ZNF451: variants seen among roughly 807,000 people sequenced by gnomAD.
ZNF451 encodes the protein zinc finger protein 451, also known as E3 SUMO-protein ligase ZNF451.
Under a neutral mutation model 107.1 loss-of-function variants are expected in ZNF451, and 80 were observed. The observed-to-expected ratio is 0.75, with a 90% CI of 0.62 to 0.90. The LOEUF is 0.90. ZNF451 is among the 40% of genes least tolerant of loss of function. The pLI, the probability that ZNF451 is intolerant of heterozygous loss-of-function variation, is 0.00. For synonymous variants in ZNF451, 362 were observed against 406.5 expected (o/e 0.89, Z 1.32); for missense variants, 1,107 against 1,236.2 (o/e 0.90, Z 1.57).
chr6:57,147,183 T>G lies in ZNF451; in HGVS notation c.1098T>G (p.Asp366Glu). Residue 366 changes from aspartate to glutamate, a missense_variant, in exon 10 of 15, where the codon GAT becomes GAG. This residue lies in a region of ZNF451 where 608 missense variants were observed against 649.2 expected (regional missense o/e 0.94). Coordinates refer to ENST00000370706, the MANE Select transcript of ZNF451 (RefSeq NM_001031623.3). ...EKFILRGYCPDCNQVFVDETS... is the reference protein window; with the variant it reads ...EKFILRGYCPECNQVFVDETS... ...TCATATTAAGAGGTTATTGTCCAGA[T>G]TGCAATCAAGTCTTTGTGGATGAAA... 6.2e-7 allele frequency: 1 copy of G among 1,614,076 alleles called. No individual in the cohort carries two copies. Among genetic ancestry groups the G allele is most frequent in the South Asian group, 1.1e-5 (1 of 91,076 alleles).
At chr6:57,102,068 C>G in intron 3 of ZNF451, 1 of 1,523,974 alleles carries the variant, frequency 6.6e-7, no homozygotes, top group Admixed American at 2.3e-5. Flanking sequence ...AAGGGAGACT[C>G]TCCAGAACGC....
At chr6:57,157,267 G>C (rs1051360749) in intron 13 of ZNF451, among the ~76,000 whole-genome samples, 1 of 152,126 alleles carries the variant, frequency 6.6e-6, no homozygotes. Flanking sequence ...AGGATCTTTT[G>C]AATATTGTTA....
chr6:57,125,915 A>C (rs1379569771), intron 4 of ZNF451, among the ~76,000 whole-genome samples: 3 of 152,154 alleles, frequency 2.0e-5, no homozygotes, highest in African/African-American at 7.2e-5. Flanking sequence ...ATTTTAAGGA[A>C]GTTCCCCACC....
At chr6:57,106,359 G>A in intron 3 of ZNF451, 2 of 939,472 alleles carry the variant, frequency 2.1e-6, no homozygotes, top group Non-Finnish European at 2.5e-6. Flanking sequence ...GCCCAGGCTG[G>A]AGTGCAATGG....
intron 7 of ZNF451, among the ~76,000 whole-genome samples, chr6:57,137,451 CAA>C (rs1219680258): frequency 2.0e-5 from 3 of 152,196 alleles, no homozygotes; most frequent in Non-Finnish European, 2.9e-5. Context: ...GATTCTGACT[CAA>C]GATGTCTCAG....
chr6:57,148,268 AC>A lies in ZNF451; in HGVS notation c.2184del (p.Tyr728Ter). On this transcript the variant is annotated frameshift_variant, in exon 10 of 15. Transcript: ENST00000370706. LOFTEE classifies it high-confidence loss of function. The stretch of plus-strand genomic sequence containing the variant: ...TTAACTTGTGGTTGCCGTGAGAGTT[AC>A]ATCTGTAAAGTCAACAGAAAAGAAG... The part of the protein sequence containing the change: ...NQLTCGCRES[Y>X]ICKVNRKEDY... 6.2e-7 allele frequency: 1 copy of A among 1,614,016 alleles called. No individual in the cohort carries two copies. Among genetic ancestry groups the A allele is most frequent in the Non-Finnish European group, 8.5e-7 (1 of 1,179,956 alleles).
intron 7 of ZNF451, among the ~76,000 whole-genome samples, chr6:57,138,089 C>T (rs775227336): frequency 3.9e-5 from 6 of 152,112 alleles, no homozygotes; most frequent in East Asian, 1.9e-4. Context: ...TGTAAAAATA[C>T]GTTTTAATTC....
chr6:57,097,323 A>G (rs1024941495), intron 2 of ZNF451, among the ~76,000 whole-genome samples: 3 of 152,222 alleles, frequency 2.0e-5, no homozygotes, highest in African/African-American at 7.2e-5. Flanking sequence ...GAAAGAAGCT[A>G]TCTTTGAGAC....
intron 13 of ZNF451, 36 bp from the exon 14 acceptor site, chr6:57,161,048 G>A: frequency 7.4e-7 from 1 of 1,355,990 alleles, no homozygotes; most frequent in Non-Finnish European, 1.0e-6. Flanking sequence ...ATAAATTTAT[G>A]GCACAATAAC....
At position 57,168,711 on chromosome 6, in the gene ZNF451, T is replaced by G. The variant is rs1764011249; in HGVS notation, c.*242T>G. On this transcript the variant is annotated 3_prime_UTR_variant, in exon 15 of 15. Transcript: ENST00000370706. ...TAAATTATGTATTCTAATATAGGTG[T>G]AACAGTTTCCCAGTTAACTTTGAAT... is the stretch of plus-strand genomic sequence containing the variant. 2.5e-6 allele frequency: 1 copy of G among 403,650 alleles called. No individual in the cohort carries two copies. The highest frequency in any genetic ancestry group is 4.5e-5 in the Admixed American group (1 of 22,272). 25.0% of individuals were successfully genotyped at this position (403,650 alleles called of 1,614,324 possible).
chr6:57,105,509 A>G (rs1829810867), intron 3 of ZNF451: 3 of 985,288 alleles, frequency 3.0e-6, no homozygotes, highest in Non-Finnish European at 3.6e-6. Context: ...GTACAATTGC[A>G]CTATCTAAAT....
At chr6:57,132,920 A>T in intron 5 of ZNF451, 122 bp from the exon 6 acceptor site, 2 of 956,778 alleles carry the variant, frequency 2.1e-6, no homozygotes, top group Non-Finnish European at 3.1e-6. Context: ...AAACAATTAT[A>T]ATTAGCATCA....
rs1832107841 is a variant in ZNF451 at position 57,147,185 on chromosome 6, G to GTACGGTTAATAAGAAAAA, written c.1100_1101insTACGGTTAATAAGAAAAA (p.Cys367_Asn368insThrValAsnLysLysAsn). ...ATATTAAGAGGTTATTGTCCAGATT[G>GTACGGTTAATAAGAAAAA]CAATCAAGTCTTTGTGGATGAAACC... On this transcript the variant is annotated inframe_insertion, in exon 10 of 15. Transcript: ENST00000370706. 6.2e-7 allele frequency: 1 copy of GTACGGTTAATAAGAAAAA among 1,613,946 alleles called. No homozygotes were observed. Among genetic ancestry groups the GTACGGTTAATAAGAAAAA allele is most frequent in the African/African-American group, 1.3e-5 (1 of 74,924 alleles).
intron 13 of ZNF451, chr6:57,159,190 G>C (rs1763560016): frequency 1.0e-6 from 1 of 985,214 alleles, no homozygotes; most frequent in African/African-American, 1.7e-5. Flanking sequence ...TTCTGATGGG[G>C]TTGATGGAGG....
At chr6:57,160,676 A>G (rs1763635067) in intron 13 of ZNF451, 1 of 153,218 alleles carries the variant, frequency 6.5e-6, no homozygotes, top group African/African-American at 2.4e-5. Context: ...GGGATCCCAC[A>G]TGACATTTAG....
intron 11 of ZNF451, chr6:57,151,097 C>A (rs1832322898): frequency 2.5e-6 from 1 of 393,582 alleles, no homozygotes; most frequent in Admixed American, 4.1e-5. Flanking sequence ...CGCGGTGGCT[C>A]ACGTCTGTAA....
chr6:57,125,548 A>T (rs1830891308), intron 4 of ZNF451, among the ~76,000 whole-genome samples: 1 of 152,134 alleles, frequency 6.6e-6, no homozygotes, highest in Admixed American at 6.6e-5. Context: ...ATTTCAGTAG[A>T]TCACTAGTTT....
In ZNF451 at chr6:57,141,522, C is replaced by T. The variant is rs144071072; in HGVS notation, c.856+67C>T. The T allele has an allele frequency of 7.1e-6, 10 of 1,411,534 alleles. No individual in the cohort carries two copies. The African/African-American group carries it at 1.3e-4, about 18-fold the overall frequency. The allele number at this position is 1,411,534 out of a possible 1,614,324, so 87.4% of individuals were successfully genotyped here. On this transcript the variant is annotated intron_variant, in intron 8 of 14. Coordinates refer to ENST00000370706, the MANE Select transcript of ZNF451 (RefSeq NM_001031623.3). ...ATCTTTGCTGATTTATCATACTTCT[C>T]AGATCATTCTTGAGATTACATATCC...
intron 9 of ZNF451, among the ~76,000 whole-genome samples, chr6:57,143,886 C>T (rs925088956): frequency 6.6e-6 from 1 of 152,158 alleles, no homozygotes; most frequent in Admixed American, 6.5e-5. Flanking sequence ...GATTGAAATC[C>T]TGATTACATG....
Sources: allele counts gnomAD v4.1 joint callset (sites outside exome capture counted in the v4.1 genomes callset), GRCh38; gene constraint gnomAD v4.1.1; regional missense constraint gnomAD v4.1.1; transcripts MANE v1.5; gene names NCBI Gene and HGNC (gene_info 2026-07-23, HGNC 2026-07-21).